HEATR4: variants seen among roughly 807,000 people sequenced by gnomAD.
The protein encoded by HEATR4 is HEAT repeat containing 4.
HEATR4 carries 95 observed loss-of-function variants against 108.8 expected under a neutral mutation model. The ratio of observed to expected loss-of-function variants is 0.87; its 90% CI spans 0.74 to 1.04. HEATR4 has a LOEUF of 1.04. Ranked by LOEUF, HEATR4 falls within the 50% of genes least tolerant of loss-of-function variation. The probability of loss-of-function intolerance (pLI) is 0.00; values close to 1 mark genes in which losing one functional copy is unlikely to be tolerated. For synonymous variants in HEATR4, 443 were observed against 459.4 expected (o/e 0.96, Z 0.46); for missense variants, 1,152 against 1,253.8 (o/e 0.92, Z 1.23).
chr14:73,501,905 C>T (rs1886488530), intron 11 of HEATR4, among the ~76,000 whole-genome samples: 1 of 152,022 alleles, frequency 6.6e-6, no homozygotes. Flanking sequence ...AGGCGCCCGC[C>T]ACCACGCCCT....
the HEATR4 span, among the ~76,000 whole-genome samples, chr14:73,601,208 G>A: frequency 1.3e-5 from 2 of 152,056 alleles, no homozygotes; most frequent in Non-Finnish European, 2.9e-5. Context: ...TCAGGTAAAT[G>A]TACCTGAAGC....
rs1374970511 is a variant in HEATR4 at position 73,544,648 on chromosome 14, C to A, written c.-152+14103G>T. Among the ~76,000 whole-genome samples, 3 of 114,894 alleles carry A rather than the reference C, an allele frequency of 2.6e-5. 1 individual carries two copies. Among genetic ancestry groups the A allele is most frequent in the African/African-American group, 8.5e-5 (3 of 35,314 alleles). 75.4% of individuals were successfully genotyped at this position (114,894 alleles called of 152,430 possible). A position where few individuals can be genotyped will look rare whatever the true frequency, so the allele number is the denominator to read the frequency against. The stretch of plus-strand genomic sequence containing the variant: ...CAATGACAAATGTGAAATTCAATAA[C>A]AATTTAGGCTTGGCATGGTGGCTCA... On this transcript the variant is annotated intron_variant, in intron 1 of 17. Coordinates refer to ENST00000553558, the MANE Select transcript of HEATR4 (RefSeq NM_001220484.1).
intron 7 of HEATR4, 98 bp downstream of exon 7, chr14:73,511,907 TA>T: frequency 6.8e-7 from 1 of 1,463,406 alleles, no homozygotes; most frequent in Non-Finnish European, 9.5e-7. Context: ...TCCACATTTG[TA>T]AAATGATCTC....
chr14:73,616,790 C>T, the HEATR4 span: 1 of 451,850 alleles, frequency 2.2e-6, no homozygotes, highest in Non-Finnish European at 3.9e-6. Flanking sequence ...GATTTTAGTG[C>T]ACCTGTCGCC....
the HEATR4 span, among the ~76,000 whole-genome samples, chr14:73,607,628 T>TC: frequency 6.6e-6 from 1 of 152,076 alleles, no homozygotes; most frequent in African/African-American, 2.4e-5. Flanking sequence ...TTCTTTTCTT[T>TC]CTTTTTTTTT....
chr14:73,620,932 C>T, the HEATR4 span, among the ~76,000 whole-genome samples: 14 of 151,258 alleles, frequency 9.3e-5, no homozygotes, highest in African/African-American at 2.9e-4. Context: ...GGGCCGGGCA[C>T]GGTGGCTCAC....
the HEATR4 span, chr14:73,612,961 C>A: frequency 8.1e-7 from 1 of 1,231,132 alleles, no homozygotes; most frequent in Non-Finnish European, 1.1e-6. Flanking sequence ...GCGACTTTCT[C>A]CGGCCGGGGG....
rs1271037697 is a variant in HEATR4 at position 73,546,828 on chromosome 14, T to C, written c.-152+11923A>G. On this transcript the variant is annotated intron_variant, in intron 1 of 17. Transcript: ENST00000553558. ...GAGGTTGGGTGCAGTGGCTTATGCC[T>C]GTAATCCCAGCACTTTGGGAGGCCG... Among the ~76,000 whole-genome samples the C allele has an allele frequency of 1.8e-5, 2 of 110,484 alleles. 1 individual carries two copies. Among genetic ancestry groups the C allele is most frequent in the Non-Finnish European group, 4.0e-5 (2 of 50,342 alleles). 72.5% of individuals were successfully genotyped at this position (110,484 alleles called of 152,430 possible).
chr14:73,523,511 G>C (rs1024603317), intron 2 of HEATR4, among the ~76,000 whole-genome samples: 3 of 152,166 alleles, frequency 2.0e-5, no homozygotes, highest in Non-Finnish European at 4.4e-5. Flanking sequence ...GTCTTTAAAT[G>C]TTGCTTTCTT....
the HEATR4 span, among the ~76,000 whole-genome samples, chr14:73,601,449 C>T: frequency 6.6e-6 from 1 of 152,148 alleles, no homozygotes; most frequent in African/African-American, 2.4e-5. Flanking sequence ...CTGTAATCCC[C>T]ACAACTTGGG....
chr14:73,632,881 A>T, the HEATR4 span, among the ~76,000 whole-genome samples: 1 of 151,478 alleles, frequency 6.6e-6, no homozygotes, highest in Non-Finnish European at 1.5e-5. Context: ...AATGTAATAT[A>T]CTTGTAAGCT....
At chr14:73,594,959 C>T in the HEATR4 span, 3 of 1,497,284 alleles carry the variant, frequency 2.0e-6, no homozygotes, top group Non-Finnish European at 2.7e-6. Flanking sequence ...CCCGCCTCCG[C>T]CTCGCAGAGT....
intron 7 of HEATR4, among the ~76,000 whole-genome samples, chr14:73,511,702 C>G (rs1440533057): frequency 6.6e-6 from 1 of 152,018 alleles, no homozygotes; most frequent in Non-Finnish European, 1.5e-5. Flanking sequence ...TAGCAAGACA[C>G]AGTCTCTACC....
chr14:73,573,401 T>C, the HEATR4 span: 1 of 1,613,706 alleles, frequency 6.2e-7, no homozygotes, highest in Non-Finnish European at 8.5e-7. Context: ...CTGGGCCCTT[T>C]CCTGGGATTG....
chr14:73,528,641 G>A (rs1888511445), intron 2 of HEATR4, among the ~76,000 whole-genome samples: 1 of 152,088 alleles, frequency 6.6e-6, no homozygotes, highest in Non-Finnish European at 1.5e-5. Flanking sequence ...AAAATCTGTA[G>A]TTTCCCAATC....
chr14:73,537,217 C>T (rs1268896029), intron 1 of HEATR4: 3 of 451,396 alleles, frequency 6.6e-6, no homozygotes, highest in South Asian at 2.8e-5. Context: ...GGTTTCAACA[C>T]AGGAGACTTT....
At chr14:73,491,614 G>T in intron 17 of HEATR4, 1 of 1,547,458 alleles carries the variant, frequency 6.5e-7, no homozygotes, top group African/African-American at 1.4e-5. Flanking sequence ...CCAGCAGCCG[G>T]CGGCGAGCGG....
chr14:73,568,137 G>A, the HEATR4 span: 1 of 152,044 alleles, frequency 6.6e-6, no homozygotes, highest in Non-Finnish European at 1.5e-5. Context: ...AAGGTAATTA[G>A]AACTGACAGG....
In HEATR4 at chr14:73,523,111, G is replaced by A; in HGVS notation, c.42C>T (p.Cys14=). ...GTCGTGGGGGCAGTGACTGATAGAAGCAATGGGGGAGAAAGGTCTTTCCCT... is the reference window on the plus strand; with the variant it reads ...GTCGTGGGGGCAGTGACTGATAGAAACAATGGGGGAGAAAGGTCTTTCCCT... ...TQKGKTFLPH[C]FYQSLPPRLG... Residue 14 remains cysteine, a synonymous_variant, in exon 3 of 18, where the codon TGC becomes TGT. Coordinates refer to ENST00000553558, the MANE Select transcript of HEATR4 (RefSeq NM_001220484.1). The A allele has an allele frequency of 6.2e-7, 1 of 1,608,454 alleles. No individual in the cohort carries two copies. The highest frequency in any genetic ancestry group is 2.2e-5 in the East Asian group (1 of 44,880).
Sources: gnomAD v4.1 joint callset for allele counts (sites outside exome capture counted in the v4.1 genomes callset) on GRCh38, gnomAD v4.1.1 for gene constraint, MANE v1.5 for transcripts, NCBI Gene and HGNC (gene_info 2026-07-23, HGNC 2026-07-21) for gene names.